Variants in LINGO2 observed in about 807,000 individuals in gnomAD.
The protein encoded by LINGO2 is leucine rich repeat and Ig domain containing 2.
A neutral mutation model predicts 30.6 loss-of-function variants in LINGO2; 14 were observed. The ratio of observed to expected loss-of-function variants is 0.46; its 90% confidence interval spans 0.30 to 0.72. LINGO2 has a LOEUF of 0.72. Ranked by LOEUF, LINGO2 falls within the 30% of genes least tolerant of loss-of-function variation. The probability of loss-of-function intolerance (pLI) is 0.07; values close to 1 mark genes in which losing one functional copy is unlikely to be tolerated. For synonymous variants in LINGO2, 317 were observed against 288.5 expected, an observed-to-expected ratio of 1.10 and a Z score of -1.00; for missense variants, 729 against 751.7, an observed-to-expected ratio of 0.97 and a Z score of 0.35.
At chr9:29,111,362 G>C in the LINGO2 span, among the ~76,000 whole-genome samples, 6 of 151,862 alleles carry the variant, frequency 4.0e-5, no homozygotes, top group East Asian at 1.9e-4. Flanking sequence ...TAGTGTTTAC[G>C]GCCCTTTGCT....
the LINGO2 span, among the ~76,000 whole-genome samples, chr9:28,771,956 T>C: frequency 1.3e-5 from 2 of 152,168 alleles, no homozygotes; most frequent in Non-Finnish European, 1.5e-5. Flanking sequence ...ACTCATGGAA[T>C]AACTGAATGC....
chr9:28,788,574 G>T, the LINGO2 span, among the ~76,000 whole-genome samples: 1 of 152,130 alleles, frequency 6.6e-6, no homozygotes, highest in African/African-American at 2.4e-5. Context: ...AAAGGAAAGA[G>T]GTTTAATTGA....
At chr9:28,947,758 T>A in the LINGO2 span, among the ~76,000 whole-genome samples, 1 of 151,378 alleles carries the variant, frequency 6.6e-6, no homozygotes. Flanking sequence ...TTTATATATA[T>A]GTAATATGTA....
chr9:28,833,390 C>T, the LINGO2 span, among the ~76,000 whole-genome samples: 2 of 152,276 alleles, frequency 1.3e-5, no homozygotes, highest in South Asian at 2.1e-4. Flanking sequence ...AAATCATTCA[C>T]ATTGACCATT....
Position 28,406,382 on chromosome 9 carries a change from A to C in LINGO2, c.-278-33514T>G, listed in dbSNP as rs143293606. Among the ~76,000 whole-genome samples, 101 of 152,208 alleles carry C rather than the reference A, an allele frequency of 6.6e-4. 2 individuals carry two copies. The highest frequency in any genetic ancestry group is 6.0e-3 in the Admixed American group (92 of 15,282). ...CAGGGGGCAGAGGTTGCAGTGAGCC[A>C]AGATTATGCCACTGCACTCCAGCCT... is the stretch of plus-strand genomic sequence containing the variant. On this transcript the variant is annotated intron_variant, in intron 2 of 5. Coordinates refer to ENST00000379992, the Ensembl canonical transcript of LINGO2.
intron 3 of LINGO2, among the ~76,000 whole-genome samples, chr9:28,297,563 T>C (rs1411557881): frequency 6.6e-6 from 1 of 152,180 alleles, no homozygotes; most frequent in Non-Finnish European, 1.5e-5. Context: ...AGCCTTACCT[T>C]ATGAACAATC....
intron 1 of LINGO2, among the ~76,000 whole-genome samples, chr9:28,569,314 A>G (rs1340939638): frequency 6.6e-6 from 1 of 151,958 alleles, no homozygotes; most frequent in Admixed American, 6.6e-5. Context: ...TGAAATCAGT[A>G]TCTTGAAGAG....
At chr9:28,937,020 G>A in the LINGO2 span, among the ~76,000 whole-genome samples, 1 of 152,030 alleles carries the variant, frequency 6.6e-6, no homozygotes, top group African/African-American at 2.4e-5. Flanking sequence ...AGCAGTATTG[G>A]ATTAACAGTA....
Position 28,253,629 on chromosome 9 carries a change from C to G in LINGO2, c.-87+41579G>C, listed in dbSNP as rs552655673. 6.6e-5 allele frequency among the ~76,000 whole-genome samples: 10 copies of G among 152,178 alleles called. No homozygotes were observed. The East Asian group carries it at 1.2e-3, about 18-fold the overall frequency. ...AAAGTCTTTTCTCAGATTTGAATGA[C>G]GAGGTTAAGATGGTAGGAGTTAAAA... On this transcript the variant is annotated intron_variant, in intron 4 of 5. Coordinates refer to ENST00000379992, the Ensembl canonical transcript of LINGO2.
At chr9:28,176,993 G>A (rs529640605) in intron 4 of LINGO2, among the ~76,000 whole-genome samples, 20 of 152,242 alleles carry the variant, frequency 1.3e-4, no homozygotes, top group African/African-American at 4.3e-4. Context: ...TTCCTCATTT[G>A]TCAAGCTTCC....
At chr9:28,512,669 A>ATATCTATC (rs35627400) in intron 1 of LINGO2, among the ~76,000 whole-genome samples, 2,072 of 126,922 alleles carry the variant, frequency 0.016, 52 homozygotes, top group South Asian at 0.054. Flanking sequence ...ACACATATGG[A>ATATCTATC]TATCTATCTA....
intron 4 of LINGO2, among the ~76,000 whole-genome samples, chr9:28,292,946 G>A (rs1476893412): frequency 1.3e-5 from 2 of 150,822 alleles, no homozygotes; most frequent in Admixed American, 1.3e-4. Flanking sequence ...AACTTTTTTT[G>A]TATTTTTAGT....
chr9:29,161,976 G>C, the LINGO2 span, among the ~76,000 whole-genome samples: 1 of 151,300 alleles, frequency 6.6e-6, no homozygotes, highest in Non-Finnish European at 1.5e-5. Flanking sequence ...TTGGAGTGCA[G>C]TGGCACAATC....
At chr9:28,944,401 G>A in the LINGO2 span, among the ~76,000 whole-genome samples, 170 of 151,994 alleles carry the variant, frequency 1.1e-3, 1 homozygote, top group African/African-American at 3.9e-3. Flanking sequence ...AAATGCTTTT[G>A]GGTTTTTGTT....
intron 4 of LINGO2, among the ~76,000 whole-genome samples, chr9:28,047,443 T>G (rs1824477379): frequency 6.6e-6 from 1 of 151,410 alleles, no homozygotes; most frequent in African/African-American, 2.4e-5. Context: ...AAATATTAAC[T>G]ATAGCACAGT....
At chr9:28,832,772 T>C in the LINGO2 span, among the ~76,000 whole-genome samples, 1 of 152,320 alleles carries the variant, frequency 6.6e-6, no homozygotes, top group Admixed American at 6.5e-5. Context: ...GTTCCTTCCT[T>C]GTCTACTCAG....
At chr9:28,009,266 C>G (rs7037090) in intron 5 of LINGO2, among the ~76,000 whole-genome samples, 107,728 of 151,444 alleles carry the variant, frequency 0.71, 39,074 homozygotes, top group East Asian at 0.82. Flanking sequence ...CATAGACAAA[C>G]TATGAGGCTC....
At chr9:28,724,424 G>T in the LINGO2 span, among the ~76,000 whole-genome samples, 8 of 152,074 alleles carry the variant, frequency 5.3e-5, no homozygotes, top group Non-Finnish European at 1.2e-4. Flanking sequence ...TCAGCAACCT[G>T]CATTAAAAAG....
At chr9:28,018,904 A>G (rs770633563) in intron 4 of LINGO2, among the ~76,000 whole-genome samples, 1 of 152,158 alleles carries the variant, frequency 6.6e-6, no homozygotes, top group Non-Finnish European at 1.5e-5. Context: ...TTGCAGCACT[A>G]TTCACAAGAT....
Sources: gnomAD v4.1 joint callset for allele counts (sites outside exome capture counted in the v4.1 genomes callset) on GRCh38, gnomAD v4.1.1 for gene constraint, MANE v1.5 for transcripts, NCBI Gene and HGNC (gene_info 2026-07-23, HGNC 2026-07-21) for gene names.